LRBA: variants seen among roughly 807,000 people sequenced by gnomAD.
LRBA encodes the protein LPS responsive beige-like anchor protein.
A neutral mutation model predicts 330.0 loss-of-function variants in LRBA; 176 were observed. The observed-to-expected ratio is 0.53, with a 90% CI of 0.47 to 0.60. LRBA has a LOEUF of 0.60. Ranked by LOEUF, LRBA falls within the 20% of genes least tolerant of loss-of-function variation. The pLI is 0.00. For synonymous variants in LRBA, 1,230 were observed against 1,193.0 expected, an observed-to-expected ratio of 1.03 and a Z score of -0.64; for missense variants, 3,259 against 3,444.8, an observed-to-expected ratio of 0.95 and a Z score of 1.35.
intron 35 of LRBA, among the ~76,000 whole-genome samples, chr4:150,746,744 T>C (rs990224135): frequency 1.3e-5 from 2 of 152,046 alleles, no homozygotes; most frequent in African/African-American, 2.4e-5. Flanking sequence ...TTTCCTGACC[T>C]TGTGATCCGC....
At chr4:150,815,712 CTAAAG>C (rs911311957) in intron 31 of LRBA, among the ~76,000 whole-genome samples, 1 of 151,782 alleles carries the variant, frequency 6.6e-6, no homozygotes, top group Non-Finnish European at 1.5e-5. Flanking sequence ...GAAATGCCAC[CTAAAG>C]TAAATTTCGA....
At chr4:150,746,711 C>G (rs537142108) in intron 35 of LRBA, among the ~76,000 whole-genome samples, 1 of 151,862 alleles carries the variant, frequency 6.6e-6, no homozygotes, top group Non-Finnish European at 1.5e-5. Flanking sequence ...AGGGTTTCAC[C>G]GTGTTAGCCA....
Position 150,735,296 on chromosome 4 carries a change from G to C in LRBA, c.5716C>G (p.Gln1906Glu). The C allele has an allele frequency of 6.2e-7, 1 of 1,613,602 alleles. No individual in the cohort carries two copies. Among genetic ancestry groups the C allele is most frequent in the Non-Finnish European group, 8.5e-7 (1 of 1,179,720 alleles). The change falls in exon 36 of 57, where the codon CAG (glutamine) becomes GAG (glutamate). Residue 1906 changes from glutamine (Q) to glutamate (E), a missense_variant. By Grantham distance (29) the Gln-to-Glu change is conservative (BLOSUM62 2). Transcript: ENST00000651943. ...TGTCTGTGAATATCTTCTGCTCTCT[G>C]CCTGCTCAGGATAAATTCAGCTTCA... ...ANEAEFILSR[Q>E]RAEDIHRHAE...
intron 2 of LRBA, among the ~76,000 whole-genome samples, chr4:150,969,395 A>T (rs1739271740): frequency 6.6e-6 from 1 of 152,102 alleles, no homozygotes; most frequent in Non-Finnish European, 1.5e-5. Context: ...AGGAGTTTGG[A>T]AGAAATGGAT....
At position 150,852,383 on chromosome 4, in the gene LRBA, A is replaced by G; in HGVS notation, c.3327T>C (p.Asp1109=). 1 of 1,613,664 alleles carries G rather than the reference A, an allele frequency of 6.2e-7. No homozygotes were observed. Among genetic ancestry groups the G allele is most frequent in the African/African-American group, 1.3e-5 (1 of 75,042 alleles). Residue 1109 remains aspartate (D), a synonymous_variant, in exon 23 of 57, where the codon GAT becomes GAC. Coordinates refer to ENST00000651943, the MANE Select transcript of LRBA (RefSeq NM_001364905.1). ...KSIVEEEEDD[D]YVELKVEGSP... is the part of the protein sequence containing the mutation. The stretch of plus-strand genomic sequence containing the variant: ...TGCCTTCTACTTTCAGTTCCACATA[A>G]TCATCATCTTCCTCTTCCTCTACTA...
intron 47 of LRBA, among the ~76,000 whole-genome samples, chr4:150,362,394 T>G (rs1278638765): frequency 6.6e-6 from 1 of 152,200 alleles, no homozygotes; most frequent in Admixed American, 6.5e-5. Flanking sequence ...AACTGTTTCT[T>G]TATCTCTAAA....
chr4:150,523,301 G>A (rs905334931), intron 40 of LRBA, among the ~76,000 whole-genome samples: 7 of 152,250 alleles, frequency 4.6e-5, no homozygotes, highest in African/African-American at 1.7e-4. Flanking sequence ...AGGTGATCAA[G>A]TCATGAGGGC....
intron 34 of LRBA, among the ~76,000 whole-genome samples, chr4:150,796,983 C>T (rs1740879005): frequency 6.6e-6 from 1 of 151,786 alleles, no homozygotes. Flanking sequence ...AATTATAGAA[C>T]ATGATTCTCA....
At chr4:150,795,324 G>T (rs1249806090) in intron 34 of LRBA, among the ~76,000 whole-genome samples, 2 of 151,906 alleles carry the variant, frequency 1.3e-5, no homozygotes, top group Non-Finnish European at 2.9e-5. Context: ...CAACAAATTT[G>T]GCACACAAGT....
chr4:150,872,180 T>A (rs574313782), intron 18 of LRBA, among the ~76,000 whole-genome samples: 2 of 152,332 alleles, frequency 1.3e-5, no homozygotes, highest in East Asian at 3.9e-4. Flanking sequence ...ACACTTGTTC[T>A]ACCCCCAAAA....
intron 37 of LRBA, among the ~76,000 whole-genome samples, chr4:150,638,997 TATACACC>T (rs1581887580): frequency 1.1e-5 from 1 of 87,896 alleles, no homozygotes; most frequent in East Asian, 2.8e-4. Context: ...ATGTGGCACA[TATACACC>T]ATGGAATACT....
intron 40 of LRBA, among the ~76,000 whole-genome samples, chr4:150,507,268 A>C (rs1761223262): frequency 6.6e-6 from 1 of 152,194 alleles, no homozygotes; most frequent in African/African-American, 2.4e-5. Context: ...CCGCATTGCC[A>C]AGTCAATCCT....
chr4:150,288,781 G>GGTGTGA (rs967539449), intron 53 of LRBA, among the ~76,000 whole-genome samples: 1 of 146,856 alleles, frequency 6.8e-6, no homozygotes, highest in African/African-American at 2.5e-5. Flanking sequence ...ATATATTTTT[G>GGTGTGA]GTGTGATTGT....
intron 13 of LRBA, among the ~76,000 whole-genome samples, chr4:150,903,719 CTGCGTCAAAAAAA>C (rs1731012243): frequency 6.6e-6 from 1 of 151,986 alleles, no homozygotes; most frequent in African/African-American, 2.4e-5. Context: ...CAGTGAGACC[CTGCGTCAAAAAAA>C]TAAGTAAACA....
At chr4:150,844,610 G>T in intron 27 of LRBA, 48 bp downstream of exon 27, 1 of 1,514,164 alleles carries the variant, frequency 6.6e-7, no homozygotes. Flanking sequence ...AATCTTAATT[G>T]TAAAATAGGA....
chr4:150,480,446 A>G (rs972938708), intron 42 of LRBA, among the ~76,000 whole-genome samples: 1 of 152,004 alleles, frequency 6.6e-6, no homozygotes, highest in Non-Finnish European at 1.5e-5. Flanking sequence ...TAATATTTAT[A>G]TTAAATAAAA....
At chr4:150,885,335 C>T (rs1302174615) in intron 17 of LRBA, among the ~76,000 whole-genome samples, 2 of 152,050 alleles carry the variant, frequency 1.3e-5, no homozygotes, top group Admixed American at 6.6e-5. Context: ...CAAAGTGAGT[C>T]ACCACTAGGC....
intron 30 of LRBA, among the ~76,000 whole-genome samples, chr4:150,827,850 C>T (rs1032249359): frequency 9.2e-5 from 14 of 152,158 alleles, no homozygotes; most frequent in African/African-American, 3.1e-4. Context: ...GATCCACACA[C>T]TTCAACCTCC....
At chr4:150,796,136 C>G (rs1242645061) in intron 34 of LRBA, among the ~76,000 whole-genome samples, 1 of 151,892 alleles carries the variant, frequency 6.6e-6, no homozygotes, top group Non-Finnish European at 1.5e-5. Flanking sequence ...CACCCTATCT[C>G]AGACCAAAAA....
Sources: gnomAD v4.1 joint callset for allele counts (sites outside exome capture counted in the v4.1 genomes callset) on GRCh38, gnomAD v4.1.1 for gene constraint, MANE v1.5 for transcripts, NCBI Gene and HGNC (gene_info 2026-07-23, HGNC 2026-07-21) for gene names.